TTC27: variants seen among roughly 807,000 people sequenced by gnomAD.
The protein encoded by TTC27 is tetratricopeptide repeat domain 27, also known as tetratricopeptide repeat protein 27.
Under a neutral mutation model 115.9 loss-of-function variants are expected in TTC27, and 79 were observed. The observed-to-expected ratio is 0.68, with a 90% CI of 0.57 to 0.82. The LOEUF (loss-of-function observed/expected upper bound fraction) is 0.82, where lower values mean the gene tolerates loss of function less well. TTC27 is among the 40% of genes least tolerant of loss of function. TTC27 has a pLI of 0.00. For missense variants in TTC27, 1,054 were observed against 993.1 expected (o/e 1.06, Z -0.82); for synonymous variants, 401 against 356.0 (o/e 1.13, Z -1.42).
intron 10 of TTC27, among the ~76,000 whole-genome samples, chr2:32,723,711 C>T (rs1668003942): frequency 1.3e-5 from 1 of 75,386 alleles, no homozygotes; most frequent in African/African-American, 6.0e-5. Flanking sequence ...TCCCTCCCTC[C>T]CTCCCTCCCT....
At chr2:32,692,036 GTTTTTTTTTTTTT>G (rs779547700) in intron 9 of TTC27, among the ~76,000 whole-genome samples, 9 of 61,188 alleles carry the variant, frequency 1.5e-4, no homozygotes, top group Non-Finnish European at 1.7e-4. Flanking sequence ...AATTTTTTAG[GTTTTTTTTTTTTT>G]TTTTTTTTTT....
At chr2:32,783,979 G>A (rs562869696) in intron 15 of TTC27, among the ~76,000 whole-genome samples, 1 of 152,240 alleles carries the variant, frequency 6.6e-6, no homozygotes, top group African/African-American at 2.4e-5. Context: ...CTCTGCTCTT[G>A]GATGACATAA....
intron 3 of TTC27, among the ~76,000 whole-genome samples, chr2:32,639,941 G>T (rs192726795): frequency 3.3e-5 from 5 of 152,302 alleles, no homozygotes; most frequent in African/African-American, 7.2e-5. Flanking sequence ...GGAAGTTGCA[G>T]TGAGCCAAGA....
At chr2:32,745,054 CAAAAAAAAAAAA>C (rs57044153) in intron 12 of TTC27, among the ~76,000 whole-genome samples, 6 of 49,862 alleles carry the variant, frequency 1.2e-4, no homozygotes, top group East Asian at 6.5e-4. Context: ...AACTCTGTCT[CAAAAAAAAAAAA>C]AAAAAAAAAA....
At chr2:32,651,428 C>G (rs369844419) in intron 5 of TTC27, among the ~76,000 whole-genome samples, 1 of 152,138 alleles carries the variant, frequency 6.6e-6, no homozygotes, top group Non-Finnish European at 1.5e-5. Context: ...CTCACTGCAA[C>G]CTCCGCCTCC....
intron 9 of TTC27, among the ~76,000 whole-genome samples, chr2:32,702,474 G>A (rs1032678789): frequency 5.3e-5 from 8 of 152,060 alleles, no homozygotes; most frequent in African/African-American, 1.7e-4. Context: ...CTGGGTAATG[G>A]TGGTCACAGC....
chr2:32,739,031 T>G (rs1283535756), intron 12 of TTC27, among the ~76,000 whole-genome samples: 1 of 152,240 alleles, frequency 6.6e-6, no homozygotes, highest in Admixed American at 6.5e-5. Context: ...AGAGTTTGTC[T>G]TACAACTGAT....
chr2:32,655,762 G>A (rs1413251545), intron 5 of TTC27, among the ~76,000 whole-genome samples: 3 of 149,778 alleles, frequency 2.0e-5, no homozygotes, highest in East Asian at 3.9e-4. Context: ...ACAGAGTCTC[G>A]ATCTGTCACC....
At chr2:32,659,391 T>C (rs1474701384) in intron 5 of TTC27, among the ~76,000 whole-genome samples, 1 of 145,704 alleles carries the variant, frequency 6.9e-6, no homozygotes, top group Non-Finnish European at 1.5e-5. Flanking sequence ...CTCATTGAAG[T>C]ACAACTCTAT....
intron 10 of TTC27, among the ~76,000 whole-genome samples, chr2:32,705,828 A>G (rs1156415764): frequency 6.6e-6 from 1 of 152,188 alleles, no homozygotes; most frequent in Non-Finnish European, 1.5e-5. Context: ...TGCTTGGATT[A>G]TAGGCGGGAG....
chr2:32,798,661 C>T (rs1286594601), intron 16 of TTC27, among the ~76,000 whole-genome samples: 1 of 148,140 alleles, frequency 6.8e-6, no homozygotes, highest in Non-Finnish European at 1.5e-5. Flanking sequence ...GCCAAGATTG[C>T]ACCACTGCAC....
intron 4 of TTC27, among the ~76,000 whole-genome samples, chr2:32,647,234 C>T (rs530115221): frequency 1.3e-5 from 2 of 152,162 alleles, no homozygotes; most frequent in Admixed American, 6.5e-5. Context: ...AGCCACCGTG[C>T]CTGGCCTTGT....
chr2:32,660,364 T>C (rs888459933), intron 5 of TTC27, among the ~76,000 whole-genome samples: 17 of 152,122 alleles, frequency 1.1e-4, no homozygotes, highest in African/African-American at 3.6e-4. Flanking sequence ...CCATCAATGA[T>C]AGACTGGATA....
rs952536039 is a variant in TTC27 at position 32,705,378 on chromosome 2, C to A, written c.1233+2458C>A. ...AGCCTCAGGTATTCCTTTACAGCAA[C>A]ACAAAACAGATTAACACAGGGAGTT... On this transcript the variant is annotated intron_variant, in intron 10 of 19. Coordinates refer to ENST00000317907, the MANE Select transcript of TTC27 (RefSeq NM_017735.5). Among the ~76,000 whole-genome samples the A allele has an allele frequency of 2.0e-4, 30 of 152,154 alleles. 1 individual carries two copies. Among genetic ancestry groups the A allele is most frequent in the Non-Finnish European group, 1.2e-4 (8 of 68,006 alleles).
intron 18 of TTC27, among the ~76,000 whole-genome samples, chr2:32,813,448 G>A (rs955163661): frequency 2.0e-5 from 3 of 152,220 alleles, no homozygotes; most frequent in Admixed American, 6.5e-5. Flanking sequence ...ATGCTTGCTA[G>A]TTGACCTTGG....
intron 12 of TTC27, among the ~76,000 whole-genome samples, chr2:32,754,346 C>G (rs1669128993): frequency 1.3e-5 from 2 of 149,160 alleles, no homozygotes; most frequent in Admixed American, 6.7e-5. Context: ...GGCGATGACT[C>G]TTAACGAGCA....
chr2:32,757,189 T>A (rs1669262787), intron 12 of TTC27, among the ~76,000 whole-genome samples: 2 of 152,156 alleles, frequency 1.3e-5, no homozygotes, highest in Non-Finnish European at 1.5e-5. Context: ...AACCCCTCCT[T>A]TATAAATTCC....
At chr2:32,758,065 C>G (rs2147993198) in intron 12 of TTC27, among the ~76,000 whole-genome samples, 1 of 152,266 alleles carries the variant, frequency 6.6e-6, no homozygotes, top group Admixed American at 6.5e-5. Context: ...GCAGTATTCA[C>G]TTTATTGCAG....
At position 32,748,877 on chromosome 2, in the gene TTC27, G is replaced by A. The variant is rs552517220; in HGVS notation, c.1453-9415G>A. Reference sequence around the variant, plus strand: ...TAATTTTTGTATTTTTAGTAGAGACGGGGTTTCACCATGTTGGCCAGACTG... The same window carrying A: ...TAATTTTTGTATTTTTAGTAGAGACAGGGTTTCACCATGTTGGCCAGACTG... On this transcript the variant is annotated intron_variant, in intron 12 of 19. Transcript: ENST00000317907. Among the ~76,000 whole-genome samples the A allele has an allele frequency of 1.8e-4, 27 of 151,778 alleles. 1 individual carries two copies. The South Asian group carries it at 5.0e-3, about 28-fold the overall frequency.
Sources: allele counts gnomAD v4.1 joint callset (sites outside exome capture counted in the v4.1 genomes callset), GRCh38; gene constraint gnomAD v4.1.1; transcripts MANE v1.5; gene names NCBI Gene and HGNC (gene_info 2026-07-23, HGNC 2026-07-21).